Variants in ITGAV observed in about 807,000 individuals in gnomAD.
The protein encoded by ITGAV is integrin subunit alpha V, also known as integrin alpha-V.
Under a neutral mutation model 143.8 loss-of-function variants are expected in ITGAV, and 76 were observed. The observed-to-expected ratio is 0.53, with a 90% CI of 0.44 to 0.64. ITGAV has a LOEUF of 0.64. Ranked by LOEUF, ITGAV falls within the 30% of genes least tolerant of loss-of-function variation. ITGAV has a pLI of 0.00. For synonymous variants in ITGAV, 453 were observed against 446.7 expected (o/e 1.01, Z -0.18); for missense variants, 1,193 against 1,274.7 (o/e 0.94, Z 0.98).
chr2:186,654,468 T>A (rs1374984293), intron 15 of ITGAV, among the ~76,000 whole-genome samples, 182 bp from the exon 16 acceptor site: 1 of 152,172 alleles, frequency 6.6e-6, no homozygotes, highest in African/African-American at 2.4e-5. Flanking sequence ...GTGCTTAAAT[T>A]ACTGAAGGAT....
chr2:186,603,686 C>T (rs1371456673), intron 2 of ITGAV, among the ~76,000 whole-genome samples: 1 of 152,170 alleles, frequency 6.6e-6, no homozygotes, highest in African/African-American at 2.4e-5. Flanking sequence ...TCGAACTCTT[C>T]AGATGTTTCT....
At chr2:186,609,440 A>G (rs2105666547) in intron 2 of ITGAV, among the ~76,000 whole-genome samples, 1 of 152,288 alleles carries the variant, frequency 6.6e-6, no homozygotes, top group East Asian at 1.9e-4. Flanking sequence ...TGGACACTTT[A>G]GATGTGCTTT....
chr2:186,618,034 G>C (rs768337582), intron 2 of ITGAV, among the ~76,000 whole-genome samples: 8 of 152,188 alleles, frequency 5.3e-5, no homozygotes, highest in Non-Finnish European at 1.0e-4. Context: ...CCTCAGGATA[G>C]CTGCCAGTTT....
chr2:186,677,078 G>A, intron 29 of ITGAV, 119 bp from the exon 30 acceptor site: 1 of 1,228,824 alleles, frequency 8.1e-7, no homozygotes, highest in East Asian at 2.5e-5. Context: ...TTATATGAGG[G>A]AAGATAAATT....
chr2:186,611,620 T>C (rs146325087), intron 2 of ITGAV, among the ~76,000 whole-genome samples: 3 of 152,322 alleles, frequency 2.0e-5, no homozygotes, highest in Admixed American at 2.0e-4. Flanking sequence ...GCTTTGGTTA[T>C]AAAGAATGCA....
intron 10 of ITGAV, among the ~76,000 whole-genome samples, 166 bp downstream of exon 10, chr2:186,638,631 C>CAT (rs1481672332): frequency 6.9e-6 from 1 of 144,694 alleles, no homozygotes; most frequent in East Asian, 2.0e-4. Flanking sequence ...CTCTTTTGAG[C>CAT]GTGTGTGTGT....
chr2:186,622,123 T>C (rs1687543396), intron 2 of ITGAV, among the ~76,000 whole-genome samples: 2 of 152,342 alleles, frequency 1.3e-5, no homozygotes, highest in Middle Eastern at 3.4e-3. Flanking sequence ...ATGGGGCTAA[T>C]AATAACACTG....
intron 29 of ITGAV, 27 bp downstream of exon 29, chr2:186,676,962 GAGAGGGAAAGCAGAAGA>G (rs776113447): frequency 1.2e-6 from 2 of 1,607,400 alleles, no homozygotes; most frequent in Admixed American, 3.4e-5. Flanking sequence ...GAAAGAAGGA[GAGAGGGAAAGCAGAAGA>G]AAAGGGAAAG....
intron 1 of ITGAV, among the ~76,000 whole-genome samples, chr2:186,597,639 G>A (rs926163055): frequency 6.6e-6 from 1 of 152,092 alleles, no homozygotes; most frequent in Non-Finnish European, 1.5e-5. Context: ...CCCAACCCTC[G>A]GGCCATGGAC....
Position 186,677,445 on chromosome 2 carries a change from C to A in ITGAV, c.*153C>A. 1 of 593,866 alleles carries A rather than the reference C, an allele frequency of 1.7e-6. No homozygotes were observed. Among genetic ancestry groups the A allele is most frequent in the South Asian group, 2.1e-5 (1 of 47,386 alleles). 36.8% of individuals were successfully genotyped at this position (593,866 alleles called of 1,614,324 possible). On this transcript the variant is annotated 3_prime_UTR_variant, in exon 30 of 30. Coordinates refer to ENST00000261023, the MANE Select transcript of ITGAV (RefSeq NM_002210.5). ...ACAAAATGAGAATTATATTTGTCAA[C>A]CTTCTCCTTATAAATAAGTTCAGAC...
chr2:186,676,232 A>G (rs939955100), intron 28 of ITGAV: 1 of 241,314 alleles, frequency 4.1e-6, no homozygotes, highest in Non-Finnish European at 7.9e-6. Context: ...ATTAACTGCA[A>G]CAAGTGAGGC....
chr2:186,615,197 T>C (rs1687317806), intron 2 of ITGAV, among the ~76,000 whole-genome samples: 1 of 152,076 alleles, frequency 6.6e-6, no homozygotes, highest in Non-Finnish European at 1.5e-5. Flanking sequence ...ACATTTTGTT[T>C]ATACCAGTAG....
rs914988895 is a variant in ITGAV, at chr2:186,598,962, C to T, written c.186-3059C>T. ...CAGGATTCTTTGTAACCCTGCAATTCGTACAGCCAGCTTTTGTCTACTGTA... is the reference window on the plus strand; with the variant it reads ...CAGGATTCTTTGTAACCCTGCAATTTGTACAGCCAGCTTTTGTCTACTGTA... On this transcript the variant is annotated intron_variant, in intron 1 of 29. Transcript: ENST00000261023. Among the ~76,000 whole-genome samples the T allele has an allele frequency of 5.9e-5, 9 of 152,254 alleles. No homozygotes were observed. In the South Asian group the frequency reaches 1.0e-3, roughly 18 times the overall value.
intron 2 of ITGAV, among the ~76,000 whole-genome samples, chr2:186,621,304 A>G (rs1285744772): frequency 1.3e-5 from 2 of 152,224 alleles, no homozygotes; most frequent in African/African-American, 4.8e-5. Flanking sequence ...TGTTGCAGAC[A>G]TTGTTACACT....
At chr2:186,624,047 C>G in intron 3 of ITGAV, among the ~76,000 whole-genome samples, 1 of 152,182 alleles carries the variant, frequency 6.6e-6, no homozygotes, top group Non-Finnish European at 1.5e-5. Context: ...TTAAAAACAT[C>G]TCCAAAAACA....
At chr2:186,650,749 C>A (rs1688402012) in intron 14 of ITGAV, among the ~76,000 whole-genome samples, 1 of 151,880 alleles carries the variant, frequency 6.6e-6, no homozygotes, top group Admixed American at 6.6e-5. Context: ...AGGGTCTTGC[C>A]ATGTTATCTG....
intron 16 of ITGAV, among the ~76,000 whole-genome samples, chr2:186,655,109 T>C (rs544768258): frequency 6.6e-6 from 1 of 152,218 alleles, no homozygotes; most frequent in African/African-American, 2.4e-5. Context: ...TTAGAAATAG[T>C]GAGAAGGAGG....
intron 8 of ITGAV, 110 bp from the exon 9 acceptor site, chr2:186,638,167 G>A: frequency 2.3e-6 from 2 of 870,290 alleles, no homozygotes; most frequent in African/African-American, 1.7e-5. Context: ...TTGATTGTTT[G>A]TTTTGAACTG....
rs374292463 is a variant in ITGAV, at chr2:186,628,518, A to C, written c.524-2279A>C. ...GCATAAAAAACAACCTCAAACAACA[A>C]AAAAGCAAAATTACTTGGGGAAATT... On this transcript the variant is annotated intron_variant, in intron 4 of 29. Transcript: ENST00000261023. Among the ~76,000 whole-genome samples the C allele has an allele frequency of 3.9e-5, 6 of 152,216 alleles. No homozygotes were observed. The South Asian group carries it at 1.2e-3, about 32-fold the overall frequency.
Sources: gnomAD v4.1 joint callset for allele counts (sites outside exome capture counted in the v4.1 genomes callset) on GRCh38, gnomAD v4.1.1 for gene constraint, MANE v1.5 for transcripts, NCBI Gene and HGNC (gene_info 2026-07-23, HGNC 2026-07-21) for gene names.